The following XRCC4 variants were observed in gnomAD, a reference collection of about 807,000 sequenced individuals.
XRCC4 encodes DNA repair protein XRCC4.
Under a neutral mutation model 39.1 loss-of-function variants are expected in XRCC4, and 28 were observed. The ratio of observed to expected loss-of-function variants is 0.72; its 90% CI spans 0.53 to 0.98. XRCC4 has a LOEUF of 0.98. XRCC4 is among the 50% of genes least tolerant of loss of function. The probability of loss-of-function intolerance (pLI) is 0.00; values close to 1 mark genes in which losing one functional copy is unlikely to be tolerated. For synonymous variants in XRCC4, 123 were observed against 126.4 expected, an observed-to-expected ratio of 0.97 and a Z score of 0.18; for missense variants, 350 against 376.4, an observed-to-expected ratio of 0.93 and a Z score of 0.58.
the XRCC4 span, among the ~76,000 whole-genome samples, chr5:83,373,791 A>C: frequency 6.6e-6 from 1 of 152,164 alleles, no homozygotes; most frequent in East Asian, 1.9e-4. Context: ...CCCAAACTTT[A>C]AAGCATTGTT....
intron 1 of XRCC4, among the ~76,000 whole-genome samples, chr5:83,093,671 A>G (rs1745535922): frequency 6.6e-6 from 1 of 152,156 alleles, no homozygotes; most frequent in African/African-American, 2.4e-5. Context: ...CAGAAAATTC[A>G]GAAGTATACT....
At chr5:83,175,963 G>A (rs751773279) in intron 3 of XRCC4, among the ~76,000 whole-genome samples, 5 of 152,208 alleles carry the variant, frequency 3.3e-5, no homozygotes, top group Non-Finnish European at 7.4e-5. Flanking sequence ...AGGAGTTCAA[G>A]ATTACAGTGA....
intron 6 of XRCC4, among the ~76,000 whole-genome samples, chr5:83,227,372 A>G (rs1231605282): frequency 6.6e-6 from 1 of 152,102 alleles, no homozygotes; most frequent in East Asian, 1.9e-4. Flanking sequence ...CGATTATGTA[A>G]TATACCTTGA....
chr5:83,123,795 A>C (rs1224103722), intron 3 of XRCC4, among the ~76,000 whole-genome samples: 1 of 152,098 alleles, frequency 6.6e-6, no homozygotes, highest in Non-Finnish European at 1.5e-5. Flanking sequence ...TTATGGCACC[A>C]TACTTTCATT....
At chr5:83,279,766 T>C (rs1754471546) in intron 7 of XRCC4, among the ~76,000 whole-genome samples, 1 of 152,228 alleles carries the variant, frequency 6.6e-6, no homozygotes, top group African/African-American at 2.4e-5. Flanking sequence ...AGTGAATCTA[T>C]ATTCTATGTG....
intron 7 of XRCC4, among the ~76,000 whole-genome samples, chr5:83,340,855 C>T (rs752977420): frequency 2.0e-5 from 3 of 152,184 alleles, no homozygotes; most frequent in Non-Finnish European, 4.4e-5. Context: ...CCCCCTTGGT[C>T]CCAGTTTAGA....
At chr5:83,305,176 C>CA (rs1755436670) in intron 7 of XRCC4, among the ~76,000 whole-genome samples, 1 of 152,080 alleles carries the variant, frequency 6.6e-6, no homozygotes, top group South Asian at 2.1e-4. Context: ...CCATATACCT[C>CA]ATACTCAGTT....
intron 3 of XRCC4, among the ~76,000 whole-genome samples, chr5:83,132,789 T>G (rs1747667534): frequency 1.3e-5 from 2 of 152,126 alleles, no homozygotes; most frequent in African/African-American, 4.8e-5. Context: ...CATCTCATCT[T>G]TTTTCAAGGT....
At position 83,328,826 on chromosome 5, in the gene XRCC4, C is replaced by T. The variant is rs1443326348; in HGVS notation, c.894-24305C>T. Among the ~76,000 whole-genome samples, 3 of 152,102 alleles carry T rather than the reference C, an allele frequency of 2.0e-5. No homozygotes were observed. In the East Asian group the frequency reaches 5.8e-4, roughly 29 times the overall value. ...AAAGGAAAGAATGGAGCAAGATACT[C>T]ATGCATATATACAAATTTGGCATAT... On this transcript the variant is annotated intron_variant, in intron 7 of 7. Transcript: ENST00000396027.
chr5:83,085,286 G>C (rs7714322), intron 1 of XRCC4, among the ~76,000 whole-genome samples: 7,442 of 152,120 alleles, frequency 0.049, 596 homozygotes, highest in African/African-American at 0.17. Flanking sequence ...ATATTGACAT[G>C]CTGAGACATG....
intron 3 of XRCC4, among the ~76,000 whole-genome samples, chr5:83,131,374 C>A (rs755805801): frequency 2.6e-5 from 4 of 152,066 alleles, no homozygotes; most frequent in Admixed American, 6.6e-5. Flanking sequence ...GTGGAGAGTT[C>A]TGTAGATTGT....
At chr5:83,286,693 A>G (rs1326868981) in intron 7 of XRCC4, among the ~76,000 whole-genome samples, 2 of 152,128 alleles carry the variant, frequency 1.3e-5, no homozygotes, top group Non-Finnish European at 2.9e-5. Flanking sequence ...CTTCATAGCA[A>G]CACCTAGAAT....
At position 83,142,555 on chromosome 5, in the gene XRCC4, GC is replaced by G. The variant is rs776383741; in HGVS notation, c.315+31354del. On this transcript the variant is annotated intron_variant, in intron 3 of 7. Transcript: ENST00000396027. The stretch of plus-strand genomic sequence containing the variant: ...ATATTCCAGGTATAAAATTGGGAGG[GC>G]CTTGGCCAAGGGAGTGGAAGTGAAA... Among the ~76,000 whole-genome samples the G allele has an allele frequency of 2.6e-5, 4 of 152,326 alleles. No individual in the cohort carries two copies. The South Asian group carries it at 8.3e-4, about 32-fold the overall frequency.
At chr5:83,220,370 G>T (rs1391994733) in intron 6 of XRCC4, among the ~76,000 whole-genome samples, 1 of 152,018 alleles carries the variant, frequency 6.6e-6, no homozygotes, top group Non-Finnish European at 1.5e-5. Flanking sequence ...GATTGTGACT[G>T]GAATCTCTAC....
the XRCC4 span, among the ~76,000 whole-genome samples, chr5:83,360,736 G>A: frequency 2.0e-5 from 3 of 151,858 alleles, no homozygotes; most frequent in Non-Finnish European, 4.4e-5. Context: ...CTGGAGCCAC[G>A]CCCACTCCCC....
chr5:83,314,609 A>G (rs1385298087), intron 7 of XRCC4, among the ~76,000 whole-genome samples: 1 of 152,170 alleles, frequency 6.6e-6, no homozygotes, highest in Non-Finnish European at 1.5e-5. Flanking sequence ...TCCCAAAAGC[A>G]TGTGGTCACT....
chr5:83,260,938 T>C (rs2112902566), intron 7 of XRCC4, among the ~76,000 whole-genome samples: 1 of 152,200 alleles, frequency 6.6e-6, no homozygotes, highest in African/African-American at 2.4e-5. Flanking sequence ...TTTTAAATAT[T>C]AAGAGAAATT....
intron 1 of XRCC4, among the ~76,000 whole-genome samples, chr5:83,093,230 A>G (rs1745513250): frequency 2.0e-5 from 3 of 152,222 alleles, no homozygotes; most frequent in Non-Finnish European, 2.9e-5. Flanking sequence ...AAGGCATTAT[A>G]TAATGATAAA....
intron 6 of XRCC4, among the ~76,000 whole-genome samples, chr5:83,230,262 C>T (rs1296519086): frequency 6.6e-6 from 1 of 151,942 alleles, no homozygotes; most frequent in African/African-American, 2.4e-5. Flanking sequence ...ATTTCAAAGA[C>T]TAATTAATGT....
Sources: gnomAD v4.1 joint callset for allele counts (sites outside exome capture counted in the v4.1 genomes callset) on GRCh38, gnomAD v4.1.1 for gene constraint, MANE v1.5 for transcripts, NCBI Gene and HGNC (gene_info 2026-07-23, HGNC 2026-07-21) for gene names.